DRAXIN: variants seen among roughly 807,000 people sequenced by gnomAD.
The protein encoded by DRAXIN is dorsal repulsive axon guidance protein.
A neutral mutation model predicts 33.9 loss-of-function variants in DRAXIN; 27 were observed. The ratio of observed to expected loss-of-function variants is 0.80; its 90% CI spans 0.59 to 1.10. The LOEUF is 1.10. Ranked by LOEUF, DRAXIN falls within the 50% of genes least tolerant of loss-of-function variation. DRAXIN has a pLI of 0.00. For synonymous variants in DRAXIN, 178 were observed against 194.0 expected, an observed-to-expected ratio of 0.92 and a Z score of 0.69; for missense variants, 371 against 460.8, an observed-to-expected ratio of 0.81 and a Z score of 1.78.
At chr1:11,713,732 T>C (rs1353543971) in intron 5 of DRAXIN, among the ~76,000 whole-genome samples, 1 of 151,876 alleles carries the variant, frequency 6.6e-6, no homozygotes, top group African/African-American at 2.4e-5. Context: ...CCAAAAATAG[T>C]AATAATTTAA....
At chr1:11,708,728 G>A (rs949601790) in intron 2 of DRAXIN, among the ~76,000 whole-genome samples, 2 of 152,190 alleles carry the variant, frequency 1.3e-5, no homozygotes, top group South Asian at 2.1e-4. Context: ...GTAGTTAGAC[G>A]AAATAACACT....
Position 11,725,289 on chromosome 1 carries a change from T to G in DRAXIN, c.*5593T>G, listed in dbSNP as rs565036150. Reference sequence around the variant, plus strand: ...CATGATCGCACCACTGCACTCCAGCTTAGGCAATACAGCGAGACCTTGTCT... The same window carrying G: ...CATGATCGCACCACTGCACTCCAGCGTAGGCAATACAGCGAGACCTTGTCT... On this transcript the variant is annotated 3_prime_UTR_variant, in exon 7 of 7. Coordinates refer to ENST00000294485, the MANE Select transcript of DRAXIN (RefSeq NM_198545.4). 6.6e-6 allele frequency: 1 copy of G among 152,220 alleles called. No homozygotes were observed. The highest frequency in any genetic ancestry group is 1.5e-5 in the Non-Finnish European group (1 of 68,030). The allele number at this position is 152,220 out of a possible 1,614,324, so 9.4% of individuals were successfully genotyped here. A position where few individuals can be genotyped will look rare whatever the true frequency, so the allele number is the denominator to read the frequency against.
intron 2 of DRAXIN, among the ~76,000 whole-genome samples, chr1:11,707,546 G>A (rs532490713): frequency 2.6e-5 from 4 of 152,306 alleles, no homozygotes; most frequent in East Asian, 3.9e-4. Context: ...TTAGTGGGGC[G>A]CTTGGAGCTC....
At chr1:11,710,409 C>T (rs1463528911) in intron 3 of DRAXIN, among the ~76,000 whole-genome samples, 3 of 151,846 alleles carry the variant, frequency 2.0e-5, no homozygotes, top group African/African-American at 7.3e-5. Context: ...GCAGGAGGAT[C>T]GCTTGAACCC....
At chr1:11,714,511 C>T (rs1011394494) in intron 5 of DRAXIN, among the ~76,000 whole-genome samples, 5 of 152,218 alleles carry the variant, frequency 3.3e-5, no homozygotes, top group Non-Finnish European at 5.9e-5. Context: ...GAGATCGGAG[C>T]GGCACACCTC....
chr1:11,709,213 C>G, intron 2 of DRAXIN, 62 bp from the exon 3 acceptor site: 1 of 1,513,046 alleles, frequency 6.6e-7, no homozygotes, highest in African/African-American at 1.4e-5. Flanking sequence ...GTGGGTTCTA[C>G]TGTAGACTGC....
At chr1:11,716,634 C>T (rs78143748) in intron 6 of DRAXIN, among the ~76,000 whole-genome samples, 2,152 of 152,192 alleles carry the variant, frequency 0.014, 64 homozygotes, top group African/African-American at 0.046. Flanking sequence ...GATAATACAT[C>T]TTTTTCTTCC....
Position 11,725,579 on chromosome 1 carries a change from G to C in DRAXIN, c.*5883G>C, listed in dbSNP as rs149000582. On this transcript the variant is annotated 3_prime_UTR_variant, in exon 7 of 7. Transcript: ENST00000294485. ...CTGGCAAATCCGAGACCTGTTTTGC[G>C]TAGCTAATTACCAGCAATGACAAAC... The C allele has an allele frequency of 6.6e-6, 1 of 152,182 alleles. No homozygotes were observed. Among genetic ancestry groups the C allele is most frequent in the Non-Finnish European group, 1.5e-5 (1 of 68,036 alleles). 9.4% of individuals were successfully genotyped at this position (152,182 alleles called of 1,614,324 possible).
chr1:11,712,341 G>A lies in DRAXIN; in HGVS notation c.759G>A (p.Glu253=). The change falls in exon 5 of 7, where the codon GAG becomes GAA. Residue 253 remains glutamate (E), a splice_region_variant and synonymous_variant. Coordinates refer to ENST00000294485, the MANE Select transcript of DRAXIN (RefSeq NM_198545.4). The part of the protein sequence containing the change: ...PDGWPSAKKK[E]KHRGKLSSDG... ...GACGACAGATCTTCTTATCCCCAGA[G>A]AAACACCGCGGTAAACTCTCCAGTG... 1 of 1,613,998 alleles carries A rather than the reference G, an allele frequency of 6.2e-7. No individual in the cohort carries two copies. Among genetic ancestry groups the A allele is most frequent in the Non-Finnish European group, 8.5e-7 (1 of 1,179,974 alleles).
intron 1 of DRAXIN, among the ~76,000 whole-genome samples, chr1:11,700,342 G>A (rs1344304100): frequency 1.3e-5 from 2 of 152,212 alleles, no homozygotes; most frequent in Non-Finnish European, 2.9e-5. Flanking sequence ...GTGAGGCTGC[G>A]CTTCTAACTG....
upstream of DRAXIN, among the ~76,000 whole-genome samples, chr1:11,688,103 T>TGA (rs1214373261): frequency 6.6e-6 from 1 of 152,200 alleles, no homozygotes; most frequent in Non-Finnish European, 1.5e-5. This position sits in a 1 kb window ranked among gnomAD's most constrained non-coding sequence, Gnocchi z 4.6. Context: ...TCCTGGCTCA[T>TGA]GAATACTGGC....
rs1358266998 is a variant in DRAXIN, at chr1:11,694,643, G to A, written c.-11+2790G>A. 1.3e-5 allele frequency among the ~76,000 whole-genome samples: 2 copies of A among 151,926 alleles called. No homozygotes were observed. Among genetic ancestry groups the A allele is most frequent in the Non-Finnish European group, 2.9e-5 (2 of 67,954 alleles). Reference sequence around the variant, plus strand: ...GAACTTCCCTCAGAGGCATGAGCATGTTCCTGGGGGGCAGGTCATAGGAGC... The same window carrying A: ...GAACTTCCCTCAGAGGCATGAGCATATTCCTGGGGGGCAGGTCATAGGAGC... On this transcript the variant is annotated intron_variant, in intron 1 of 6. Transcript: ENST00000294485. The surrounding 1 kb of genome is among the most constrained non-coding windows in gnomAD (Gnocchi z 4.9).
At position 11,720,593 on chromosome 1, in the gene DRAXIN, CAAAAAAAAA is replaced by C. The variant is rs34041422; in HGVS notation, c.*909_*917del. On this transcript the variant is annotated 3_prime_UTR_variant, in exon 7 of 7. Coordinates refer to ENST00000294485, the MANE Select transcript of DRAXIN (RefSeq NM_198545.4). ...GGGGGACAAGAGTGAAACTCCATCT[CAAAAAAAAA>C]AAAAAAAAAAAGCACATCTGACTCA... The C allele has an allele frequency of 1.4e-5, 1 of 71,266 alleles. No individual in the cohort carries two copies. The highest frequency in any genetic ancestry group is 5.7e-5 in the African/African-American group (1 of 17,610). 4.4% of individuals were successfully genotyped at this position (71,266 alleles called of 1,614,324 possible).
chr1:11,701,026 C>A (rs527838086), intron 1 of DRAXIN, among the ~76,000 whole-genome samples: 1 of 152,302 alleles, frequency 6.6e-6, no homozygotes, highest in Admixed American at 6.5e-5. Flanking sequence ...AGGCTCGATT[C>A]ATCGCCTTCG....
chr1:11,693,796 C>A (rs1395739840), intron 1 of DRAXIN, among the ~76,000 whole-genome samples: 1 of 152,200 alleles, frequency 6.6e-6, no homozygotes, highest in Non-Finnish European at 1.5e-5. Context: ...TCTCCGCTGC[C>A]TTCCTCCCCA....
intron 1 of DRAXIN, among the ~76,000 whole-genome samples, chr1:11,697,159 T>A (rs2100730374): frequency 6.6e-6 from 1 of 152,306 alleles, no homozygotes; most frequent in South Asian, 2.1e-4. Context: ...TCTAGCTCCT[T>A]CTGCTTTGCT....
chr1:11,699,319 C>T (rs1641237378), intron 1 of DRAXIN, among the ~76,000 whole-genome samples: 1 of 151,982 alleles, frequency 6.6e-6, no homozygotes, highest in Non-Finnish European at 1.5e-5. Context: ...TGTAGCACTC[C>T]ACCACCACCA....
intron 1 of DRAXIN, among the ~76,000 whole-genome samples, chr1:11,700,120 C>T (rs1641250088): frequency 6.6e-6 from 1 of 151,570 alleles, no homozygotes. Flanking sequence ...CCTGTAATCC[C>T]TCAGGAGACT....
intron 1 of DRAXIN, among the ~76,000 whole-genome samples, chr1:11,701,381 T>G (rs1641271719): frequency 6.6e-6 from 1 of 152,108 alleles, no homozygotes; most frequent in African/African-American, 2.4e-5. Context: ...CTCGGTTTCG[T>G]CATTTTAAAA....
Sources: allele counts gnomAD v4.1 joint callset (sites outside exome capture counted in the v4.1 genomes callset), GRCh38; gene constraint gnomAD v4.1.1; non-coding constraint Gnocchi (gnomAD v3.1); transcripts MANE v1.5; gene names NCBI Gene and HGNC (gene_info 2026-07-23, HGNC 2026-07-21).